HPRT1: variants seen among roughly 807,000 people sequenced by gnomAD.
HPRT1 encodes the protein hypoxanthine phosphoribosyltransferase 1.
Under a neutral mutation model 19.0 loss-of-function variants are expected in HPRT1, and 4 were observed. The observed-to-expected ratio is 0.21, with a 90% CI of 0.10 to 0.48. The LOEUF is 0.48. Ranked by LOEUF, HPRT1 falls within the 20% of genes least tolerant of loss-of-function variation. HPRT1 has a pLI of 0.98. For synonymous variants in HPRT1, 53 were observed against 54.9 expected (o/e 0.97, Z 0.15); for missense variants, 65 against 164.0 (o/e 0.40, Z 3.30).
intron 5 of HPRT1, 84 bp downstream of exon 5, chrX:134,490,289 A>G: frequency 5.8e-6 from 3 of 519,418 alleles, no homozygotes; most frequent in South Asian, 6.9e-5. Flanking sequence ...CAGGGAGAGA[A>G]ATTCCTCTGC....
At chrX:134,476,590 A>C (rs923220826) in intron 3 of HPRT1, among the ~76,000 whole-genome samples, 3 of 111,587 alleles carry the variant, frequency 2.7e-5, no homozygotes, top group Non-Finnish European at 3.8e-5. Flanking sequence ...ATGTACTTAG[A>C]GTTGGTATGA....
At chrX:134,486,224 A>G (rs901788739) in intron 3 of HPRT1, among the ~76,000 whole-genome samples, 1 of 111,186 alleles carries the variant, frequency 9.0e-6, no homozygotes, top group African/African-American at 3.3e-5. Context: ...GTAATGGCCG[A>G]TTAGGACTTT....
intron 3 of HPRT1, among the ~76,000 whole-genome samples, chrX:134,483,797 TAGTGA>T (rs2077645728): frequency 8.9e-6 from 1 of 111,905 alleles, no homozygotes. Flanking sequence ...TATTCCAATG[TAGTGA>T]ACTATACCAT....
At chrX:134,490,331 G>T (rs1274792640) in intron 5 of HPRT1, 126 bp downstream of exon 5, 2 of 355,823 alleles carry the variant, frequency 5.6e-6, no homozygotes, top group Non-Finnish European at 9.8e-6. Flanking sequence ...GTGTTCTAAA[G>T]GAGTGAGATT....
rs190111710 is a variant in HPRT1, at chrX:134,477,777, G to A, written c.318+2413G>A. Among the ~76,000 whole-genome samples the A allele has an allele frequency of 2.7e-3, 300 of 111,986 alleles. 1 individual carries two copies. Among genetic ancestry groups the A allele is most frequent in the African/African-American group, 9.1e-3 (281 of 30,847 alleles). Reference sequence around the variant, plus strand: ...TGGCCTTGACCTTCTGGGCTCAAGTGATTCTCCCACTTCGGCCTCCCGAGT... The same window carrying A: ...TGGCCTTGACCTTCTGGGCTCAAGTAATTCTCCCACTTCGGCCTCCCGAGT... On this transcript the variant is annotated intron_variant, in intron 3 of 8. Transcript: ENST00000298556.
intron 5 of HPRT1, among the ~76,000 whole-genome samples, chrX:134,490,977 CCTCTCTCTCTCT>C (rs755918860): frequency 3.3e-5 from 3 of 91,838 alleles, no homozygotes; most frequent in Non-Finnish European, 6.6e-5. Context: ...TCACTAACAG[CCTCTCTCTCTCT>C]CTCTCTCTCT....
intron 1 of HPRT1, among the ~76,000 whole-genome samples, chrX:134,462,283 C>T (rs1237668924): frequency 9.0e-6 from 1 of 111,405 alleles, no homozygotes; most frequent in East Asian, 2.8e-4. Flanking sequence ...CGGGTTCAAG[C>T]GATTCTCCTA....
At chrX:134,480,126 A>G (rs1442420140) in intron 3 of HPRT1, among the ~76,000 whole-genome samples, 1 of 111,244 alleles carries the variant, frequency 9.0e-6, no homozygotes, top group Non-Finnish European at 1.9e-5. Context: ...ATCTTAGAGA[A>G]AACTTTTTCA....
intron 3 of HPRT1, among the ~76,000 whole-genome samples, chrX:134,477,482 A>G (rs1279527789): frequency 1.8e-5 from 2 of 111,424 alleles, no homozygotes; most frequent in African/African-American, 3.3e-5. Context: ...CAAGGAAGAT[A>G]TACTGTTAAA....
intron 3 of HPRT1, among the ~76,000 whole-genome samples, chrX:134,475,955 A>G (rs17882724): frequency 9.6e-4 from 108 of 112,002 alleles, no homozygotes; most frequent in Non-Finnish European, 1.4e-3. Flanking sequence ...TTAGTAGTGA[A>G]TTTCATTCAT....
chrX:134,481,369 A>G (rs2077638993), intron 3 of HPRT1, among the ~76,000 whole-genome samples: 1 of 111,543 alleles, frequency 9.0e-6, no homozygotes, highest in Non-Finnish European at 1.9e-5. Flanking sequence ...TTTGAGGTAT[A>G]CTTTTCTCTC....
chrX:134,469,178 AC>A (rs1011425435), intron 1 of HPRT1, among the ~76,000 whole-genome samples: 3 of 109,722 alleles, frequency 2.7e-5, no homozygotes, highest in African/African-American at 1.0e-4. Flanking sequence ...TTAAATTAGA[AC>A]CCCCCCAATA....
chrX:134,469,608 C>G (rs1480434740), intron 1 of HPRT1, among the ~76,000 whole-genome samples: 2 of 111,841 alleles, frequency 1.8e-5, no homozygotes, highest in African/African-American at 6.5e-5. Flanking sequence ...TAGCCAGGCA[C>G]TGAACCATTT....
At chrX:134,491,858 A>G (rs1027726826) in intron 5 of HPRT1, among the ~76,000 whole-genome samples, 2 of 105,577 alleles carry the variant, frequency 1.9e-5, no homozygotes, top group Admixed American at 1.1e-4. Context: ...CAGCCTCCCA[A>G]GTAGCTGGGA....
Position 134,460,204 on chromosome X carries a change from C to G in HPRT1, c.-108C>G. ...GCGACGAGCCCTCAGGCGAACCTCT[C>G]GGCTTTCCCGCGCGGCGCCGCCTCT... On this transcript the variant is annotated 5_prime_UTR_variant, in exon 1 of 9. Transcript: ENST00000298556. 4.5e-6 allele frequency: 4 copies of G among 895,180 alleles called. No individual in the cohort carries two copies. In the South Asian group the frequency reaches 6.5e-5, roughly 15 times the overall value. The allele number at this position is 895,180 out of a possible 1,213,427, so 73.8% of individuals were successfully genotyped here. A position where few individuals can be genotyped will look rare whatever the true frequency, so the allele number is the denominator to read the frequency against.
intron 3 of HPRT1, among the ~76,000 whole-genome samples, chrX:134,481,480 T>A (rs183645750): frequency 8.4e-5 from 9 of 107,371 alleles, no homozygotes; most frequent in African/African-American, 3.0e-4. Flanking sequence ...TGTCTCCATC[T>A]TTGTCTCTAT....
chrX:134,461,668 C>A (rs1399467807), intron 1 of HPRT1, among the ~76,000 whole-genome samples: 1 of 112,008 alleles, frequency 8.9e-6, no homozygotes, highest in East Asian at 2.8e-4. Context: ...TAGCCATCAT[C>A]ATGTTTACTT....
chrX:134,483,783 C>T (rs755528016), intron 3 of HPRT1, among the ~76,000 whole-genome samples: 1 of 111,897 alleles, frequency 8.9e-6, no homozygotes, highest in South Asian at 3.8e-4. Context: ...GGCACTTATA[C>T]CTGTATTCCA....
chrX:134,461,781 T>C (rs1219473988), intron 1 of HPRT1, among the ~76,000 whole-genome samples: 1 of 111,846 alleles, frequency 8.9e-6, no homozygotes, highest in Non-Finnish European at 1.9e-5. Context: ...CTAACAGACA[T>C]ACCCTAGGTC....
Sources: allele counts gnomAD v4.1 joint callset (sites outside exome capture counted in the v4.1 genomes callset), GRCh38; gene constraint gnomAD v4.1.1; transcripts MANE v1.5; gene names NCBI Gene and HGNC (gene_info 2026-07-23, HGNC 2026-07-21).